PPRC1: variants seen among roughly 807,000 people sequenced by gnomAD.
PPRC1 encodes PPARG related coactivator 1.
Under a neutral mutation model 132.5 loss-of-function variants are expected in PPRC1, and 23 were observed. That is an observed-to-expected ratio of 0.17 (90% confidence interval 0.12 to 0.25). The LOEUF is 0.25. Ranked by LOEUF, PPRC1 falls within the 10% of genes least tolerant of loss-of-function variation. The probability of loss-of-function intolerance (pLI) is 1.00; values close to 1 mark genes in which losing one functional copy is unlikely to be tolerated. For missense variants in PPRC1, 2,006 were observed against 2,089.1 expected, an observed-to-expected ratio of 0.96 and a Z score of 0.78; for synonymous variants, 872 against 833.5, an observed-to-expected ratio of 1.05 and a Z score of -0.80.
At chr10:102,142,076 T>G in intron 5 of PPRC1, 72 bp downstream of exon 5, 3 of 1,481,338 alleles carry the variant, frequency 2.0e-6, no homozygotes, top group East Asian at 4.6e-5. Context: ...TAAGCCACCC[T>G]GATGAGGCTG....
the PPRC1 span, among the ~76,000 whole-genome samples, chr10:102,122,906 G>T: frequency 6.6e-6 from 1 of 152,184 alleles, no homozygotes; most frequent in Non-Finnish European, 1.5e-5. Context: ...TTGGAAGAAG[G>T]TGCTATTACC....
rs761468898 is a variant in PPRC1, at chr10:102,138,909, C to A, written c.520C>A (p.Pro174Thr). Residue 174 changes from proline (P) to threonine (T), a missense_variant, in exon 4 of 14, where the codon CCC becomes ACC. Coordinates refer to ENST00000278070, the MANE Select transcript of PPRC1 (RefSeq NM_015062.5). ...LHKLLTLSRT[P>T]PERDLITPVD... Reference sequence around the variant, plus strand: ...CAAGCTGCTTACTCTCTCTCGGACACCCCCAGAACGTGACCTCATCACCCC... The same window carrying A: ...CAAGCTGCTTACTCTCTCTCGGACAACCCCAGAACGTGACCTCATCACCCC... The A allele has an allele frequency of 1.2e-6, 2 of 1,614,116 alleles. No homozygotes were observed. Among genetic ancestry groups the A allele is most frequent in the East Asian group, 4.5e-5 (2 of 44,886 alleles).
At position 102,149,184 on chromosome 10, in the gene PPRC1, C is replaced by T; in HGVS notation, c.4746C>T (p.Asn1582=). 2.5e-6 allele frequency: 4 copies of T among 1,588,036 alleles called. No individual in the cohort carries two copies. The highest frequency in any genetic ancestry group is 3.4e-6 in the Non-Finnish European group (4 of 1,165,776). ...CTCACTCTCCTCCTACTAGGGACAA[C>T]TACGGCTTCGTCACTTATCGCTATG... ...CTIHFRVQGD[N]YGFVTYRYAE... is the part of the protein sequence containing the mutation. Residue 1582 remains asparagine (N), a synonymous_variant, in exon 13 of 14, where the codon AAC becomes AAT. Coordinates refer to ENST00000278070, the MANE Select transcript of PPRC1 (RefSeq NM_015062.5).
chr10:102,148,661 A>G lies in PPRC1; in HGVS notation c.4584A>G (p.Gln1528=). The G allele has an allele frequency of 1.2e-6, 2 of 1,614,136 alleles. No homozygotes were observed. The highest frequency in any genetic ancestry group is 1.1e-5 in the South Asian group (1 of 91,080). Reference sequence around the variant, plus strand: ...CTTATCGTTCACATGACCATTACCAAAGGCAAAGAGTGCTACAAAAGGAGC... The same window carrying G: ...CTTATCGTTCACATGACCATTACCAGAGGCAAAGAGTGCTACAAAAGGAGC... ...YSSYRSHDHY[Q]RQRVLQKERA... is the part of the protein sequence containing the mutation. The change falls in exon 11 of 14, where the codon CAA becomes CAG. Residue 1528 remains glutamine (Q), a synonymous_variant. Coordinates refer to ENST00000278070, the MANE Select transcript of PPRC1 (RefSeq NM_015062.5). This position sits in a 1 kb window ranked among gnomAD's most constrained non-coding sequence, Gnocchi z 4.2.
chr10:102,125,787 A>G, the PPRC1 span, among the ~76,000 whole-genome samples: 2 of 151,368 alleles, frequency 1.3e-5, no homozygotes, highest in Non-Finnish European at 2.9e-5. Context: ...TTGGCCTTCT[A>G]TATTTTCTCT....
chr10:102,128,990 C>T (rs1217092309), upstream of PPRC1, among the ~76,000 whole-genome samples: 42 of 124,304 alleles, frequency 3.4e-4, no homozygotes, highest in African/African-American at 4.4e-4. Flanking sequence ...AGTGCAGTGG[C>T]GCGATCTCGG....
rs886634456 is a variant in PPRC1 at position 102,140,104 on chromosome 10, G to A, written c.1596G>A (p.Leu532=). ...GGGCTCGGGCCTGGGCAGCTGCCTT[G>A]GAGAATTCTAGCCCTAAGAACTTGG... ...RAWARAWAAA[L]ENSSPKNLER... The change falls in exon 5 of 14, where the codon TTG becomes TTA. Residue 532 remains leucine (L), a synonymous_variant. Transcript: ENST00000278070. 1.2e-6 allele frequency: 2 copies of A among 1,614,266 alleles called. No homozygotes were observed. Among genetic ancestry groups the A allele is most frequent in the Non-Finnish European group, 1.7e-6 (2 of 1,180,046 alleles).
chr10:102,145,030 A>C lies in PPRC1; in HGVS notation c.3619A>C (p.Ile1207Leu). Residue 1207 changes from isoleucine to leucine, a missense_variant, in exon 8 of 14, where the codon ATT becomes CTT. Ile to Leu is a conservative substitution (Grantham distance 5). Coordinates refer to ENST00000278070, the MANE Select transcript of PPRC1 (RefSeq NM_015062.5). The stretch of plus-strand genomic sequence containing the variant: ...TTCCCCCCCCGCCAGCGGCGTTGAC[A>C]TTCCCCAGGAGAAGAGGCCCCTAGA... ...LAVGNSGGVD[I>L]PQEKRPLDRL... 1 of 1,606,026 alleles carries C rather than the reference A, an allele frequency of 6.2e-7. No individual in the cohort carries two copies. The highest frequency in any genetic ancestry group is 8.5e-7 in the Non-Finnish European group (1 of 1,175,626).
chr10:102,127,456 G>A, the PPRC1 span, among the ~76,000 whole-genome samples: 1 of 152,136 alleles, frequency 6.6e-6, no homozygotes, highest in Non-Finnish European at 1.5e-5. Context: ...ATCTCAGCTG[G>A]AGTACAGTTG....
chr10:102,131,793 G>C (rs1440712859), upstream of PPRC1, among the ~76,000 whole-genome samples: 1 of 152,126 alleles, frequency 6.6e-6, no homozygotes, highest in Admixed American at 6.5e-5. Flanking sequence ...GAGTAGCTGG[G>C]ACCACAGATG....
Position 102,149,951 on chromosome 10 carries a change from A to G in PPRC1, c.4917A>G (p.Pro1639=), listed in dbSNP as rs1464398146. The change falls in exon 14 of 14, where the codon CCA becomes CCG. Residue 1639 remains proline (P), a synonymous_variant. Transcript: ENST00000278070. The stretch of plus-strand genomic sequence containing the variant: ...ACTCCAACCGGGAAGACTTTGACCC[A>G]GCACCTGTAAAGAGCAAATTTGATT... ...DLDSNREDFD[P]APVKSKFDSL... The G allele has an allele frequency of 6.2e-7, 1 of 1,613,516 alleles. No individual in the cohort carries two copies. Among genetic ancestry groups the G allele is most frequent in the South Asian group, 1.1e-5 (1 of 91,068 alleles).
In PPRC1 at chr10:102,149,948, C is replaced by G; in HGVS notation, c.4914C>G (p.Asp1638Glu). 5.0e-6 allele frequency: 8 copies of G among 1,613,186 alleles called. No individual in the cohort carries two copies. Among genetic ancestry groups the G allele is most frequent in the Non-Finnish European group, 6.8e-6 (8 of 1,179,170 alleles). The stretch of plus-strand genomic sequence containing the variant: ...TAGACTCCAACCGGGAAGACTTTGA[C>G]CCAGCACCTGTAAAGAGCAAATTTG... ...SDLDSNREDF[D>E]PAPVKSKFDS... Residue 1638 changes from aspartate to glutamate, a missense_variant, in exon 14 of 14, where the codon GAC (aspartate) becomes GAG (glutamate). Transcript: ENST00000278070.
chr10:102,143,672 C>A (rs1207991988), intron 6 of PPRC1, among the ~76,000 whole-genome samples: 1 of 150,724 alleles, frequency 6.6e-6, no homozygotes, highest in Non-Finnish European at 1.5e-5. Flanking sequence ...AGGGAAGTAG[C>A]TTTCAGGCTG....
upstream of PPRC1, among the ~76,000 whole-genome samples, chr10:102,130,501 T>G (rs1175421721): frequency 6.7e-6 from 1 of 148,262 alleles, no homozygotes; most frequent in South Asian, 2.1e-4. Context: ...TTTGGGAGGC[T>G]GAGGCAGGCA....
rs780379485 is a variant in PPRC1 at position 102,140,041 on chromosome 10, G to A, written c.1533G>A (p.Glu511=). ...QKQPQEELQK[E]SGPLQGKGKP... ...AGCCTCAGGAAGAACTTCAAAAAGA[G>A]TCTGGGCCTCTCCAGGGTAAGGGGA... The change falls in exon 5 of 14, where the codon GAG becomes GAA. Residue 511 remains glutamate, a synonymous_variant. Transcript: ENST00000278070. 8 of 1,614,116 alleles carry A rather than the reference G, an allele frequency of 5.0e-6. No homozygotes were observed. The highest frequency in any genetic ancestry group is 3.3e-5 in the Admixed American group (2 of 60,012).
At chr10:102,142,109 G>C (rs541429423) in intron 5 of PPRC1, 105 bp downstream of exon 5, 4 of 1,377,252 alleles carry the variant, frequency 2.9e-6, no homozygotes, top group Admixed American at 2.4e-5. Flanking sequence ...TTTCTTTGGA[G>C]GAGTTTTTTT....
At position 102,147,215 on chromosome 10, in the gene PPRC1, C is replaced by T; in HGVS notation, c.4223C>T (p.Ala1408Val). ...CGGTCAATGCGCTGTTACCGAAAAG[C>T]CTGCAGGTCAGCCAGCCCCTCAAGC... The part of the protein sequence containing the change: ...KQRSMRCYRK[A>V]CRSASPSSQG... The change falls in exon 9 of 14, where the codon GCC becomes GTC. Residue 1408 changes from alanine (A) to valine (V), a missense_variant. Physicochemically the swap from Ala to Val is moderately conservative, Grantham distance 64. Coordinates refer to ENST00000278070, the MANE Select transcript of PPRC1 (RefSeq NM_015062.5). 6.2e-7 allele frequency: 1 copy of T among 1,613,548 alleles called. No homozygotes were observed. Among genetic ancestry groups the T allele is most frequent in the Non-Finnish European group, 8.5e-7 (1 of 1,180,040 alleles).
At chr10:102,137,496 C>G (rs1193579072) in intron 1 of PPRC1, among the ~76,000 whole-genome samples, 1 of 152,094 alleles carries the variant, frequency 6.6e-6, no homozygotes, top group Admixed American at 6.5e-5. Flanking sequence ...CCTTGCTGAC[C>G]TCTTTTGCTT....
Position 102,140,595 on chromosome 10 carries a change from G to T in PPRC1, c.2087G>T (p.Gly696Val). Residue 696 changes from glycine to valine, a missense_variant, in exon 5 of 14, where the codon GGT becomes GTT. Gly to Val is a moderately radical substitution (Grantham distance 109, BLOSUM62 -3). This residue lies in a region of PPRC1 where 1,914 missense variants were observed against 1,917.2 expected (regional missense o/e 1.00). Coordinates refer to ENST00000278070, the MANE Select transcript of PPRC1 (RefSeq NM_015062.5). ...TCCAGACCAACTGATCCCAGACGTG[G>T]TGCAGTGTCATCAGCCCTGGGGGGT... ...VKSRPTDPRRGAVSSALGGSA... is the reference protein window; with the variant it reads ...VKSRPTDPRRVAVSSALGGSA... 6.2e-7 allele frequency: 1 copy of T among 1,614,076 alleles called. No homozygotes were observed. Among genetic ancestry groups the T allele is most frequent in the Non-Finnish European group, 8.5e-7 (1 of 1,180,004 alleles).
Sources: gnomAD v4.1 joint callset for allele counts (sites outside exome capture counted in the v4.1 genomes callset) on GRCh38, gnomAD v4.1.1 for gene constraint, gnomAD v4.1.1 regional missense constraint, Gnocchi (gnomAD v3.1) non-coding constraint, MANE v1.5 for transcripts, NCBI Gene and HGNC (gene_info 2026-07-23, HGNC 2026-07-21) for gene names.